Variants in MEI1 observed in about 807,000 individuals in gnomAD.
MEI1 encodes meiotic double-stranded break formation protein 1.
A neutral mutation model predicts 146.2 loss-of-function variants in MEI1; 103 were observed. That is an observed-to-expected ratio of 0.70 (90% CI 0.60 to 0.83). The LOEUF is 0.83. Ranked by LOEUF, MEI1 falls within the 40% of genes least tolerant of loss-of-function variation. MEI1 has a pLI of 0.00. For missense variants in MEI1, 1,529 were observed against 1,533.0 expected, an observed-to-expected ratio of 1.00 and a Z score of 0.04; for synonymous variants, 652 against 628.2, an observed-to-expected ratio of 1.04 and a Z score of -0.57.
At chr22:41,719,828 A>C (rs2070589108) in intron 6 of MEI1, among the ~76,000 whole-genome samples, 1 of 152,226 alleles carries the variant, frequency 6.6e-6, no homozygotes, top group African/African-American at 2.4e-5. Context: ...TATTTTGGGC[A>C]GAACAGATGG....
chr22:41,715,776 A>G (rs1352107309), intron 4 of MEI1, among the ~76,000 whole-genome samples: 2 of 151,666 alleles, frequency 1.3e-5, no homozygotes, highest in South Asian at 2.1e-4. Context: ...TTCTGGTTCT[A>G]TGGAGGCAAA....
intron 20 of MEI1, among the ~76,000 whole-genome samples, chr22:41,772,279 T>A (rs974349908): frequency 6.6e-6 from 1 of 152,188 alleles, no homozygotes; most frequent in African/African-American, 2.4e-5. Flanking sequence ...TAGAGTGCAG[T>A]GGCAGGATCA....
chr22:41,762,019 G>C (rs1359460100), intron 18 of MEI1, among the ~76,000 whole-genome samples: 1 of 152,082 alleles, frequency 6.6e-6, no homozygotes, highest in Non-Finnish European at 1.5e-5. Context: ...ACCATAATTT[G>C]CTTTTATTCA....
At chr22:41,778,906 C>T in intron 22 of MEI1, 94 bp downstream of exon 22, 2 of 884,194 alleles carry the variant, frequency 2.3e-6, no homozygotes. Context: ...TTCTTCTACT[C>T]TTTCATCCCT....
At chr22:41,790,319 A>C (rs193097311) in intron 26 of MEI1, among the ~76,000 whole-genome samples, 2 of 152,208 alleles carry the variant, frequency 1.3e-5, no homozygotes, top group East Asian at 3.9e-4. Flanking sequence ...TCCTGGCCTC[A>C]AGTGATCTGC....
At chr22:41,756,499 C>T (rs771603865) in intron 17 of MEI1, among the ~76,000 whole-genome samples, 8 of 150,436 alleles carry the variant, frequency 5.3e-5, no homozygotes, top group Non-Finnish European at 7.4e-5. Flanking sequence ...TTTGGGACAG[C>T]GTCTTGTTCT....
At chr22:41,774,771 T>C (rs892162556) in intron 20 of MEI1, among the ~76,000 whole-genome samples, 3 of 152,226 alleles carry the variant, frequency 2.0e-5, no homozygotes, top group Admixed American at 6.5e-5. Context: ...TAAACAAATA[T>C]ACAGCTACTG....
intron 11 of MEI1, among the ~76,000 whole-genome samples, chr22:41,735,524 T>C (rs2072286741): frequency 6.6e-6 from 1 of 152,168 alleles, no homozygotes; most frequent in African/African-American, 2.4e-5. Context: ...TGAGCCACCG[T>C]GCCCAGCCAT....
At chr22:41,737,112 T>C (rs542746233) in intron 11 of MEI1, among the ~76,000 whole-genome samples, 1 of 152,356 alleles carries the variant, frequency 6.6e-6, no homozygotes, top group Admixed American at 6.5e-5. Flanking sequence ...CTGCCCAAAA[T>C]AATATTCCCT....
intron 1 of MEI1, among the ~76,000 whole-genome samples, chr22:41,702,960 C>T (rs183282008): frequency 5.9e-5 from 9 of 151,960 alleles, no homozygotes; most frequent in Admixed American, 2.0e-4. Context: ...GCTCGTGATA[C>T]GCCCGCCTTG....
intron 24 of MEI1, among the ~76,000 whole-genome samples, chr22:41,784,108 G>C (rs1054649650): frequency 5.9e-5 from 9 of 152,356 alleles, no homozygotes; most frequent in Admixed American, 2.6e-4. Context: ...GGAGGCCAGT[G>C]AGGATGGGGG....
chr22:41,737,790 CTG>C, intron 11 of MEI1, among the ~76,000 whole-genome samples: 1 of 152,124 alleles, frequency 6.6e-6, no homozygotes. Context: ...TTTCACTGCT[CTG>C]TCTCTGGCTC....
rs1314523618 is a variant in MEI1, at chr22:41,781,827, G to A, written c.3069G>A (p.Gln1023=). 6 of 1,613,872 alleles carry A rather than the reference G, an allele frequency of 3.7e-6. No homozygotes were observed. The highest frequency in any genetic ancestry group is 1.7e-4 in the Middle Eastern group (1 of 6,040). Residue 1023 remains glutamine (Q), a synonymous_variant, in exon 24 of 31, where the codon CAG becomes CAA. Transcript: ENST00000401548. ...WLLTASFSAQ[Q]HKGSLQVHQT... is the part of the protein sequence containing the mutation. Reference sequence around the variant, plus strand: ...TCACTGCCTCCTTCTCTGCCCAGCAGCACAAGGGCAGTTTGCAGGTTAGTC... The same window carrying A: ...TCACTGCCTCCTTCTCTGCCCAGCAACACAAGGGCAGTTTGCAGGTTAGTC...
intron 7 of MEI1, 55 bp downstream of exon 7, chr22:41,724,128 C>A (rs1301276749): frequency 2.5e-6 from 4 of 1,594,364 alleles, no homozygotes; most frequent in Non-Finnish European, 3.4e-6. Flanking sequence ...GACCCAAGTG[C>A]TTCTTGGGCC....
At chr22:41,730,858 C>A (rs1395657049) in intron 9 of MEI1, among the ~76,000 whole-genome samples, 1 of 152,138 alleles carries the variant, frequency 6.6e-6, no homozygotes, top group African/African-American at 2.4e-5. Context: ...TTAGACGCTT[C>A]AGCAAGGGAA....
At chr22:41,711,826 A>C (rs1432147673) in intron 3 of MEI1, among the ~76,000 whole-genome samples, 1 of 152,100 alleles carries the variant, frequency 6.6e-6, no homozygotes, top group Non-Finnish European at 1.5e-5. Context: ...ATGTTGTAAT[A>C]ATTGGCTATA....
Position 41,732,549 on chromosome 22 carries a change from G to T in MEI1, c.1277G>T (p.Ser426Ile). 1.9e-6 allele frequency: 3 copies of T among 1,613,842 alleles called. No individual in the cohort carries two copies. The highest frequency in any genetic ancestry group is 2.5e-6 in the Non-Finnish European group (3 of 1,179,880). ...AGRALQEAVSSPVLEVAAEAL... is the reference protein window; with the variant it reads ...AGRALQEAVSIPVLEVAAEAL... ...CGTGCCCTCCAAGAAGCAGTTAGCA[G>T]CCCTGTGCTGGAGGTGGCTGCTGAG... The change falls in exon 11 of 31, where the codon AGC becomes ATC. Residue 426 changes from serine to isoleucine, a missense_variant. Physicochemically the swap from Ser to Ile is moderately radical, Grantham distance 142. Coordinates refer to ENST00000401548, the MANE Select transcript of MEI1 (RefSeq NM_152513.4).
intron 24 of MEI1, among the ~76,000 whole-genome samples, chr22:41,783,577 C>A (rs1230492938): frequency 2.0e-5 from 3 of 152,220 alleles, no homozygotes; most frequent in African/African-American, 4.8e-5. Flanking sequence ...TAGGCGTGAG[C>A]CACTGTGCCC....
At position 41,781,376 on chromosome 22, in the gene MEI1, C is replaced by G. The variant is rs1338482920; in HGVS notation, c.2908C>G (p.Pro970Ala). ...FLYWSLHQTT[P>A]SSQKRAAAVL... The stretch of plus-strand genomic sequence containing the variant: ...GTATTGGAGCCTTCATCAGACCACA[C>G]CCAGCAGTCAGAAAAGAGGTGCAGG... The change falls in exon 23 of 31, where the codon CCC (proline) becomes GCC (alanine). Residue 970 changes from proline to alanine, a missense_variant. Around this residue, in one of 3 missense-constraint regions of MEI1, gnomAD observed 1,212 missense variants for 1,178.9 expected, o/e 1.03. Transcript: ENST00000401548. 6 of 1,613,022 alleles carry G rather than the reference C, an allele frequency of 3.7e-6. No homozygotes were observed. The African/African-American group carries it at 4.0e-5, about 11-fold the overall frequency.
Sources: allele counts gnomAD v4.1 joint callset (sites outside exome capture counted in the v4.1 genomes callset), GRCh38; gene constraint gnomAD v4.1.1; regional missense constraint gnomAD v4.1.1; transcripts MANE v1.5; gene names NCBI Gene and HGNC (gene_info 2026-07-23, HGNC 2026-07-21).